Variants in PREPL observed in about 807,000 individuals in gnomAD.
PREPL encodes prolyl endopeptidase like.
PREPL carries 77 observed loss-of-function variants against 70.6 expected under a neutral mutation model. The ratio of observed to expected loss-of-function variants is 1.09; its 90% CI spans 0.91 to 1.32. The LOEUF (loss-of-function observed/expected upper bound fraction) is 1.32. Ranked by LOEUF, PREPL falls within the 40% of genes most tolerant of loss-of-function variation. The probability of loss-of-function intolerance (pLI) is 0.00; values close to 1 mark genes in which losing one functional copy is unlikely to be tolerated. For missense variants in PREPL, 1,002 were observed against 778.2 expected (o/e 1.29, Z -3.42); for synonymous variants, 315 against 264.8 (o/e 1.19, Z -1.84).
In PREPL at chr2:44,326,880, A is replaced by G. The variant is rs1673555209; in HGVS notation, c.1311T>C (p.Thr437=). 6.2e-7 allele frequency: 1 copy of G among 1,614,196 alleles called. No homozygotes were observed. Residue 437 remains threonine (T), a synonymous_variant, in exon 10 of 14, where the codon ACT becomes ACC. Coordinates refer to ENST00000409411, the MANE Select transcript of PREPL (RefSeq NM_001171613.2). ...AATCAGCAAGGCCATTGAGTTTTTT[A>G]GTTAGGCGGCCATCAGCGTGCCACT... ...GLQWHADGRL[T]KKLNGLADLE...
In PREPL at chr2:44,338,365, C is replaced by G. The variant is rs1283257840; in HGVS notation, c.874G>C (p.Val292Leu). 5 of 1,611,504 alleles carry G rather than the reference C, an allele frequency of 3.1e-6. No homozygotes were observed. The African/African-American group carries it at 6.7e-5, about 22-fold the overall frequency. The part of the protein sequence containing the change: ...VNVIGLADDS[V>L]RSLKLPPWAC... ...ATTAAACATACCTTTAGAGACCGAACTGAATCATCAGCCAGACCAATCACA... is the reference window on the plus strand; with the variant it reads ...ATTAAACATACCTTTAGAGACCGAAGTGAATCATCAGCCAGACCAATCACA... Residue 292 changes from valine to leucine, a missense_variant, in exon 7 of 14, where the codon GTT becomes CTT. Coordinates refer to ENST00000409411, the MANE Select transcript of PREPL (RefSeq NM_001171613.2).
Position 44,344,732 on chromosome 2 carries a change from T to A in PREPL, c.76-146A>T, listed in dbSNP as rs1248365121. On this transcript the variant is annotated intron_variant, in intron 2 of 13. Coordinates refer to ENST00000409411, the MANE Select transcript of PREPL (RefSeq NM_001171613.2). ...AATGAACACATATGAAATATAAAAT[T>A]GACCATTTTTACAATGTAGTTGATA... The A allele has an allele frequency of 7.2e-6, 4 of 556,178 alleles. No homozygotes were observed. The South Asian group carries it at 1.6e-4, about 22-fold the overall frequency. The allele number at this position is 556,178 out of a possible 1,614,324, so 34.5% of individuals were successfully genotyped here.
At chr2:44,321,482 C>A (rs371263482) in intron 13 of PREPL, 37 bp from the exon 14 acceptor site, 8 of 1,594,016 alleles carry the variant, frequency 5.0e-6, no homozygotes, top group African/African-American at 2.7e-5. Flanking sequence ...AATAGAAGGC[C>A]TTTGTAGTAA....
chr2:44,328,028 G>A (rs552543215), intron 9 of PREPL, among the ~76,000 whole-genome samples: 8 of 148,896 alleles, frequency 5.4e-5, no homozygotes, highest in Admixed American at 3.4e-4. Context: ...GCTCATGCCT[G>A]TAATCCCAGC....
At chr2:44,344,060 T>G in intron 3 of PREPL, 109 bp from the exon 4 acceptor site, 1 of 1,282,660 alleles carries the variant, frequency 7.8e-7, no homozygotes, top group South Asian at 1.6e-5. Flanking sequence ...AGAGGCCATA[T>G]CCTAGCTTCT....
At chr2:44,352,045 CAT>C (rs1676495627) in intron 1 of PREPL, among the ~76,000 whole-genome samples, 1 of 152,194 alleles carries the variant, frequency 6.6e-6, no homozygotes, top group Admixed American at 6.5e-5. Context: ...AGCTTGCTCC[CAT>C]ATCAGTTTCT....
chr2:44,331,799 T>C (rs1040921228), intron 8 of PREPL, among the ~76,000 whole-genome samples: 6 of 152,196 alleles, frequency 3.9e-5, no homozygotes, highest in African/African-American at 7.2e-5. Flanking sequence ...AGGGACTGTA[T>C]CAGTCTAGTT....
intron 1 of PREPL, among the ~76,000 whole-genome samples, chr2:44,351,709 CACTTGGACTGGACT>C (rs1676462847): frequency 6.6e-6 from 1 of 152,192 alleles, no homozygotes; most frequent in Admixed American, 6.5e-5. Flanking sequence ...CCACTTCTCA[CACTTGGACTGGACT>C]ACTTGGCTAG....
intron 1 of PREPL, chr2:44,356,483 T>G (rs1677059325): frequency 6.6e-6 from 1 of 152,378 alleles, no homozygotes; most frequent in African/African-American, 2.4e-5. Flanking sequence ...AGGTGGAGGT[T>G]GCAGTGAGCC....
intron 7 of PREPL, among the ~76,000 whole-genome samples, chr2:44,334,014 A>G (rs984841293): frequency 1.3e-5 from 2 of 152,216 alleles, no homozygotes; most frequent in Non-Finnish European, 2.9e-5. Context: ...AATAAATCAA[A>G]AAGTATTTTT....
intron 7 of PREPL, among the ~76,000 whole-genome samples, chr2:44,335,718 C>T (rs1005844180): frequency 6.6e-6 from 1 of 151,498 alleles, no homozygotes; most frequent in African/African-American, 2.4e-5. Flanking sequence ...AGAGTTCCTG[C>T]ACAGCAAAAT....
chr2:44,359,748 G>C, intron 1 of PREPL: 1 of 1,455,444 alleles, frequency 6.9e-7, no homozygotes. Context: ...GCTCCTTTTG[G>C]GGCTGCCAGC....
chr2:44,339,043 G>A, intron 6 of PREPL, 104 bp downstream of exon 6: 1 of 1,499,370 alleles, frequency 6.7e-7, no homozygotes, highest in South Asian at 1.3e-5. Flanking sequence ...TAGGAAGGTG[G>A]CATCAATTTA....
At chr2:44,358,093 G>A (rs903757769) in intron 1 of PREPL, among the ~76,000 whole-genome samples, 4 of 152,042 alleles carry the variant, frequency 2.6e-5, no homozygotes, top group African/African-American at 9.7e-5. Flanking sequence ...ACAAAAACTA[G>A]AAAAACTGAG....
chr2:44,351,718 T>G (rs922080390), intron 1 of PREPL, among the ~76,000 whole-genome samples: 2 of 152,226 alleles, frequency 1.3e-5, no homozygotes, highest in African/African-American at 4.8e-5. Context: ...ACACTTGGAC[T>G]GGACTACTTG....
chr2:44,321,548 A>T (rs1672946579), intron 13 of PREPL, 103 bp from the exon 14 acceptor site: 2 of 1,516,456 alleles, frequency 1.3e-6, no homozygotes, highest in Non-Finnish European at 1.8e-6. Context: ...CCGTGAAGTC[A>T]GCAATTTATG....
Position 44,343,889 on chromosome 2 carries a change from T to G in PREPL, c.205A>C (p.Ile69Leu). 6.2e-7 allele frequency: 1 copy of G among 1,614,094 alleles called. No homozygotes were observed. The highest frequency in any genetic ancestry group is 1.1e-5 in the South Asian group (1 of 91,082). ...LEELKLDQPF[I>L]DCIRVAPDEK... is the part of the protein sequence containing the mutation. ...TCTGGAGCAACTCTGATACAATCAA[T>G]GAAGGGCTGGTCTAACTTAAGTTCC... The change falls in exon 4 of 14, where the codon ATT becomes CTT. Residue 69 changes from isoleucine to leucine, a missense_variant. Ile to Leu is a conservative substitution (Grantham distance 5, BLOSUM62 2). Coordinates refer to ENST00000409411, the MANE Select transcript of PREPL (RefSeq NM_001171613.2).
At chr2:44,323,649 A>T (rs563308057) in intron 10 of PREPL, among the ~76,000 whole-genome samples, 1 of 152,332 alleles carries the variant, frequency 6.6e-6, no homozygotes, top group East Asian at 1.9e-4. Context: ...TTCTAATTTC[A>T]CAATATTTAT....
At chr2:44,329,254 A>G in intron 8 of PREPL, 142 bp from the exon 9 acceptor site, 1 of 648,540 alleles carries the variant, frequency 1.5e-6, no homozygotes, top group Non-Finnish European at 2.5e-6. Flanking sequence ...TAAGAAAAAG[A>G]ATTATGGTCT....
Sources: gnomAD v4.1 joint callset for allele counts (sites outside exome capture counted in the v4.1 genomes callset) on GRCh38, gnomAD v4.1.1 for gene constraint, MANE v1.5 for transcripts, NCBI Gene and HGNC (gene_info 2026-07-23, HGNC 2026-07-21) for gene names.